Variants in KLF12 observed in about 807,000 individuals in gnomAD.
The protein encoded by KLF12 is Krueppel-like factor 12.
A neutral mutation model predicts 37.8 loss-of-function variants in KLF12; 9 were observed. The ratio of observed to expected loss-of-function variants is 0.24; its 90% CI spans 0.14 to 0.42. The LOEUF is 0.42. Among genes scored for constraint, KLF12 ranks in the 10% least tolerant of loss-of-function variants. The pLI is 1.00. For synonymous variants in KLF12, 208 were observed against 202.1 expected, an observed-to-expected ratio of 1.03 and a Z score of -0.25; for missense variants, 411 against 516.0, an observed-to-expected ratio of 0.80 and a Z score of 1.97.
chr13:74,230,557 C>G, the KLF12 span, among the ~76,000 whole-genome samples: 1 of 152,156 alleles, frequency 6.6e-6, no homozygotes, highest in Non-Finnish European at 1.5e-5. Context: ...CCACTCCAAT[C>G]CTCTTCAGTT....
At chr13:74,215,945 G>C in the KLF12 span, among the ~76,000 whole-genome samples, 2 of 152,194 alleles carry the variant, frequency 1.3e-5, no homozygotes, top group East Asian at 3.9e-4. Flanking sequence ...TGCTAGAACA[G>C]GCTAGGGAAG....
the KLF12 span, among the ~76,000 whole-genome samples, chr13:74,181,730 A>T: frequency 6.6e-6 from 1 of 151,260 alleles, no homozygotes; most frequent in Non-Finnish European, 1.5e-5. Context: ...AAAAAAAAGG[A>T]AAATGAGACA....
At chr13:74,192,206 A>G in the KLF12 span, among the ~76,000 whole-genome samples, 1 of 152,184 alleles carries the variant, frequency 6.6e-6, no homozygotes, top group African/African-American at 2.4e-5. Flanking sequence ...CTAATACTAG[A>G]TCTAAAATAT....
intron 3 of KLF12, among the ~76,000 whole-genome samples, chr13:73,927,863 CT>C (rs61339045): frequency 0.77 from 102,302 of 133,704 alleles, 39,900 homozygotes; most frequent in Non-Finnish European, 0.86. Context: ...GCTGGGATCT[CT>C]TTTTTTTTTT....
At chr13:73,912,919 T>C (rs975118341) in intron 3 of KLF12, among the ~76,000 whole-genome samples, 4 of 150,876 alleles carry the variant, frequency 2.7e-5, no homozygotes, top group African/African-American at 9.9e-5. Flanking sequence ...TCTCCCTCTC[T>C]CTCTCTCTCA....
At chr13:73,704,260 G>C (rs968260706) in intron 7 of KLF12, among the ~76,000 whole-genome samples, 2 of 152,176 alleles carry the variant, frequency 1.3e-5, no homozygotes, top group Non-Finnish European at 2.9e-5. Flanking sequence ...AAGCGCCAGA[G>C]AGGGAGACAG....
At chr13:74,244,540 G>T in the KLF12 span, among the ~76,000 whole-genome samples, 1 of 152,178 alleles carries the variant, frequency 6.6e-6, no homozygotes, top group African/African-American at 2.4e-5. Context: ...AATTGCAAGT[G>T]TTGTACTAAG....
At chr13:73,746,334 T>C (rs1358316021) in intron 6 of KLF12, among the ~76,000 whole-genome samples, 1 of 152,142 alleles carries the variant, frequency 6.6e-6, no homozygotes, top group Non-Finnish European at 1.5e-5. Flanking sequence ...TATGTTAAAT[T>C]GGTGAGGAAT....
the KLF12 span, among the ~76,000 whole-genome samples, chr13:74,227,002 C>A: frequency 1.3e-5 from 2 of 152,154 alleles, no homozygotes; most frequent in African/African-American, 4.8e-5. Context: ...TGCTCAGACT[C>A]TTTGTCTTAA....
intron 4 of KLF12, among the ~76,000 whole-genome samples, chr13:73,816,963 A>C (rs759434890): frequency 5.3e-5 from 8 of 151,122 alleles, no homozygotes; most frequent in Non-Finnish European, 8.8e-5. Flanking sequence ...CTGCTTGAAA[A>C]CCTCTTGGCT....
chr13:73,780,158 A>T lies in KLF12; in HGVS notation c.807-15158T>A, dbSNP rs575719476. ...CTCCCACACCACACTCTTAAACAAT[A>T]TCCTACTTTGTTTATTTTATGAGCA... On this transcript the variant is annotated intron_variant, in intron 5 of 7. Coordinates refer to ENST00000377669, the MANE Select transcript of KLF12 (RefSeq NM_007249.5). Among the ~76,000 whole-genome samples the T allele has an allele frequency of 5.9e-5, 9 of 152,316 alleles. No individual in the cohort carries two copies. In the South Asian group the frequency reaches 1.9e-3, roughly 32 times the overall value.
chr13:74,047,339 C>T (rs539962976), intron 1 of KLF12, among the ~76,000 whole-genome samples: 1 of 152,138 alleles, frequency 6.6e-6, no homozygotes, highest in Admixed American at 6.5e-5. Context: ...CCCCTATAAT[C>T]CCAGCATTTT....
At chr13:74,146,890 C>T in the KLF12 span, among the ~76,000 whole-genome samples, 9 of 152,180 alleles carry the variant, frequency 5.9e-5, no homozygotes, top group Non-Finnish European at 7.3e-5. Flanking sequence ...TTTGCACCTA[C>T]GTTGACTGAC....
chr13:74,203,318 C>A, the KLF12 span, among the ~76,000 whole-genome samples: 1 of 151,944 alleles, frequency 6.6e-6, no homozygotes, highest in African/African-American at 2.4e-5. Context: ...TTTCTCTAAC[C>A]TGGAATTAGG....
At chr13:74,305,964 G>T in the KLF12 span, among the ~76,000 whole-genome samples, 2 of 152,034 alleles carry the variant, frequency 1.3e-5, no homozygotes, top group African/African-American at 4.8e-5. Context: ...AGGGGAAAAG[G>T]CTGGAAAGAA....
intron 1 of KLF12, among the ~76,000 whole-genome samples, chr13:74,027,413 G>A (rs1209858350): frequency 6.6e-6 from 1 of 152,078 alleles, no homozygotes; most frequent in Admixed American, 6.5e-5. Context: ...TTTTGTCTTG[G>A]GAGCGGGGGG....
the KLF12 span, among the ~76,000 whole-genome samples, chr13:74,142,045 T>A: frequency 9.2e-5 from 14 of 152,364 alleles, no homozygotes; most frequent in Admixed American, 3.9e-4. Flanking sequence ...ACTCATAAAC[T>A]ACAAAATAGA....
intron 6 of KLF12, among the ~76,000 whole-genome samples, chr13:73,745,672 G>A (rs1878314501): frequency 6.6e-6 from 1 of 152,106 alleles, no homozygotes; most frequent in Non-Finnish European, 1.5e-5. Context: ...CTGCACGTAT[G>A]TAATTTCTAG....
intron 1 of KLF12, among the ~76,000 whole-genome samples, chr13:74,035,489 C>CAAA (rs1310497422): frequency 6.6e-6 from 1 of 152,124 alleles, no homozygotes. Flanking sequence ...AAATATGTCT[C>CAAA]AAAAGAAAGG....
Sources: allele counts gnomAD v4.1 joint callset (sites outside exome capture counted in the v4.1 genomes callset), GRCh38; gene constraint gnomAD v4.1.1; transcripts MANE v1.5; gene names NCBI Gene and HGNC (gene_info 2026-07-23, HGNC 2026-07-21).